MARCHF1: variants seen among roughly 807,000 people sequenced by gnomAD.
MARCHF1 encodes membrane associated ring-CH-type finger 1, also known as E3 ubiquitin-protein ligase MARCHF1.
A neutral mutation model predicts 54.2 loss-of-function variants in MARCHF1; 40 were observed. The ratio of observed to expected loss-of-function variants is 0.74; its 90% CI spans 0.57 to 0.96. The LOEUF (loss-of-function observed/expected upper bound fraction) is 0.96. Ranked by LOEUF, MARCHF1 falls within the 40% of genes least tolerant of loss-of-function variation. MARCHF1 has a pLI of 0.00. For synonymous variants in MARCHF1, 236 were observed against 236.3 expected, an observed-to-expected ratio of 1.00 and a Z score of 0.01; for missense variants, 586 against 656.5, an observed-to-expected ratio of 0.89 and a Z score of 1.17.
chr4:163,703,536 A>C (rs1193820175), intron 4 of MARCHF1, among the ~76,000 whole-genome samples: 7 of 152,110 alleles, frequency 4.6e-5, no homozygotes. Context: ...TAACTACTTT[A>C]CCTTAGATTA....
At chr4:163,907,367 G>A (rs1253257466) in intron 3 of MARCHF1, among the ~76,000 whole-genome samples, 3 of 151,996 alleles carry the variant, frequency 2.0e-5, no homozygotes, top group Non-Finnish European at 4.4e-5. Context: ...TAGGAAACAG[G>A]TGACAAATGA....
intron 1 of MARCHF1, among the ~76,000 whole-genome samples, chr4:164,147,888 T>C (rs1729806616): frequency 6.6e-6 from 1 of 152,018 alleles, no homozygotes; most frequent in Non-Finnish European, 1.5e-5. Flanking sequence ...ATTACATATG[T>C]TATTCAGCTT....
chr4:163,633,144 G>GA (rs1428928580), intron 5 of MARCHF1, among the ~76,000 whole-genome samples: 2 of 152,108 alleles, frequency 1.3e-5, no homozygotes, highest in Admixed American at 6.6e-5. Context: ...CAAAGATGGG[G>GA]AAAAAACAGA....
intron 1 of MARCHF1, among the ~76,000 whole-genome samples, chr4:164,161,919 G>A (rs561672736): frequency 3.9e-5 from 6 of 152,028 alleles, no homozygotes; most frequent in Non-Finnish European, 8.8e-5. Flanking sequence ...CCTGGCAGAG[G>A]AAAACCCAAT....
At chr4:163,982,709 G>A (rs1447320961) in intron 3 of MARCHF1, among the ~76,000 whole-genome samples, 1 of 152,046 alleles carries the variant, frequency 6.6e-6, no homozygotes, top group East Asian at 1.9e-4. Context: ...CTCTCTCTAT[G>A]TTCTGCCTAT....
At chr4:164,330,805 T>A (rs753652376) in intron 1 of MARCHF1, among the ~76,000 whole-genome samples, 51 of 152,160 alleles carry the variant, frequency 3.4e-4, no homozygotes, top group Non-Finnish European at 6.3e-4. Context: ...GCACTGGGGA[T>A]TTTACCACAT....
chr4:164,241,556 T>C (rs1411537763), intron 1 of MARCHF1, among the ~76,000 whole-genome samples: 5 of 152,198 alleles, frequency 3.3e-5, no homozygotes, highest in African/African-American at 1.2e-4. Context: ...TTTCTGTGTA[T>C]ATTAAAATGG....
chr4:164,075,137 A>G (rs1452608294), intron 2 of MARCHF1, among the ~76,000 whole-genome samples: 1 of 152,178 alleles, frequency 6.6e-6, no homozygotes, highest in African/African-American at 2.4e-5. Flanking sequence ...AATCATCTAT[A>G]CTAAAGAAAA....
chr4:164,375,308 T>C (rs1731154619), intron 1 of MARCHF1, among the ~76,000 whole-genome samples: 2 of 152,160 alleles, frequency 1.3e-5, no homozygotes, highest in African/African-American at 4.8e-5. Flanking sequence ...TCTACCACTC[T>C]AAAAATTAAT....
chr4:163,590,077 T>C (rs1410948555), intron 7 of MARCHF1, among the ~76,000 whole-genome samples: 2 of 151,996 alleles, frequency 1.3e-5, no homozygotes, highest in African/African-American at 4.8e-5. Context: ...TGTGTGTGTG[T>C]GTGTGCTTCA....
intron 1 of MARCHF1, among the ~76,000 whole-genome samples, chr4:164,218,852 A>G (rs1732008417): frequency 6.9e-6 from 1 of 144,820 alleles, no homozygotes; most frequent in Non-Finnish European, 1.5e-5. Context: ...AGTATAATTA[A>G]AAAAAAAAAA....
chr4:163,734,185 G>A (rs1049249013), intron 4 of MARCHF1, among the ~76,000 whole-genome samples: 1 of 152,138 alleles, frequency 6.6e-6, no homozygotes, highest in African/African-American at 2.4e-5. Context: ...TACAAGTGTT[G>A]GCAAGATAGG....
At chr4:163,823,921 T>C (rs1161857346) in intron 4 of MARCHF1, among the ~76,000 whole-genome samples, 1 of 151,834 alleles carries the variant, frequency 6.6e-6, no homozygotes, top group East Asian at 1.9e-4. Flanking sequence ...AAAGAAATTA[T>C]AGCCAATTTA....
At chr4:164,095,628 G>A (rs999501569) in intron 2 of MARCHF1, among the ~76,000 whole-genome samples, 4 of 151,922 alleles carry the variant, frequency 2.6e-5, no homozygotes, top group African/African-American at 7.3e-5. Flanking sequence ...GTTTCATTAT[G>A]AACTGTATCT....
intron 3 of MARCHF1, among the ~76,000 whole-genome samples, chr4:163,887,409 T>C (rs1560804070): frequency 6.6e-6 from 1 of 152,080 alleles, no homozygotes; most frequent in East Asian, 1.9e-4. Context: ...ATTTTGTTTC[T>C]AAAGAAAAGA....
At chr4:164,023,352 A>G (rs972229327) in intron 2 of MARCHF1, among the ~76,000 whole-genome samples, 4 of 152,154 alleles carry the variant, frequency 2.6e-5, no homozygotes, top group African/African-American at 9.7e-5. Flanking sequence ...ACTACAGAGC[A>G]CTGCTTGCAA....
At chr4:163,748,385 A>G (rs1014801261) in intron 4 of MARCHF1, among the ~76,000 whole-genome samples, 1 of 149,566 alleles carries the variant, frequency 6.7e-6, no homozygotes, top group Non-Finnish European at 1.5e-5. Flanking sequence ...TATGTTTTAG[A>G]ATCAGCTTGT....
chr4:164,224,905 G>T (rs1334042707), intron 1 of MARCHF1, among the ~76,000 whole-genome samples: 2 of 151,832 alleles, frequency 1.3e-5, no homozygotes, highest in African/African-American at 2.4e-5. Flanking sequence ...AAAAGTTTAG[G>T]GTTTTTTTAA....
At chr4:164,279,714 C>T (rs1674541927) in intron 1 of MARCHF1, among the ~76,000 whole-genome samples, 2 of 150,594 alleles carry the variant, frequency 1.3e-5, no homozygotes, top group Non-Finnish European at 3.0e-5. Flanking sequence ...AAGTATCAAA[C>T]TTTCTCTGAA....
Sources: allele counts gnomAD v4.1 joint callset (sites outside exome capture counted in the v4.1 genomes callset), GRCh38; gene constraint gnomAD v4.1.1; transcripts MANE v1.5; gene names NCBI Gene and HGNC (gene_info 2026-07-23, HGNC 2026-07-21).